The following CEP85L variants were observed in gnomAD, a reference collection of about 807,000 sequenced individuals.
CEP85L encodes centrosomal protein 85L.
CEP85L carries 60 observed loss-of-function variants against 100.3 expected under a neutral mutation model. The ratio of observed to expected loss-of-function variants is 0.60; its 90% CI spans 0.49 to 0.74. The LOEUF is 0.74. Ranked by LOEUF, CEP85L falls within the 30% of genes least tolerant of loss-of-function variation. CEP85L has a pLI of 0.00. For missense variants in CEP85L, 973 were observed against 936.2 expected, an observed-to-expected ratio of 1.04 and a Z score of -0.51; for synonymous variants, 319 against 322.7, an observed-to-expected ratio of 0.99 and a Z score of 0.12.
At chr6:118,569,528 T>C (rs915247896) in intron 2 of CEP85L, among the ~76,000 whole-genome samples, 5 of 151,254 alleles carry the variant, frequency 3.3e-5, no homozygotes, top group Non-Finnish European at 5.9e-5. Context: ...CCTTTTTAGA[T>C]TCAAATTCTG....
chr6:118,585,849 G>A (rs1163199712), intron 2 of CEP85L, among the ~76,000 whole-genome samples: 1 of 152,188 alleles, frequency 6.6e-6, no homozygotes, highest in Non-Finnish European at 1.5e-5. Context: ...CCCAAGGGAG[G>A]AGTGGCAGGT....
At position 118,558,895 on chromosome 6, in the gene CEP85L, C is replaced by T. The variant is rs753445677; in HGVS notation, c.1020+6634G>A. 10 of 1,606,606 alleles carry T rather than the reference C, an allele frequency of 6.2e-6. No individual in the cohort carries two copies. In the African/African-American group the frequency reaches 1.2e-4, roughly 19 times the overall value. ...TTATCTTTCTCTCGACCACTTAAAA[C>T]TTCAGACTTCCTGTCCTGCTGGTAT... On this transcript the variant is annotated intron_variant, in intron 3 of 12. Transcript: ENST00000368491.
At chr6:118,600,300 G>GT (rs1554228039) in intron 2 of CEP85L, among the ~76,000 whole-genome samples, 2,737 of 52,210 alleles carry the variant, frequency 0.052, 624 homozygotes, top group African/African-American at 0.071. Context: ...CCTTCCTGGG[G>GT]GTGTGTGTGT....
intron 3 of CEP85L, among the ~76,000 whole-genome samples, chr6:118,527,529 A>G (rs986577842): frequency 1.2e-4 from 18 of 152,070 alleles, no homozygotes; most frequent in African/African-American, 4.1e-4. Flanking sequence ...ACTATAAACA[A>G]TATTATTAAC....
intron 4 of CEP85L, among the ~76,000 whole-genome samples, chr6:118,512,303 T>C (rs1323186228): frequency 3.3e-5 from 5 of 152,042 alleles, no homozygotes; most frequent in African/African-American, 1.2e-4. Flanking sequence ...GGGCACTCGG[T>C]TGAATACTAA....
intron 3 of CEP85L, among the ~76,000 whole-genome samples, chr6:118,535,248 C>A (rs1310591231): frequency 6.6e-6 from 1 of 152,100 alleles, no homozygotes; most frequent in Non-Finnish European, 1.5e-5. Flanking sequence ...ATGGATGAAT[C>A]TCAACAGCAG....
chr6:118,518,260 G>A (rs1776403719), intron 4 of CEP85L, among the ~76,000 whole-genome samples: 1 of 152,162 alleles, frequency 6.6e-6, no homozygotes, highest in African/African-American at 2.4e-5. Flanking sequence ...GAGTTAGGGA[G>A]GATTCCCTCT....
Position 118,649,774 on chromosome 6 carries a change from A to G in CEP85L, c.73+1423T>C, listed in dbSNP as rs568045760. Among the ~76,000 whole-genome samples the G allele has an allele frequency of 9.1e-4, 139 of 152,320 alleles. 2 individuals carry two copies. Among genetic ancestry groups the G allele is most frequent in the African/African-American group, 3.3e-3 (137 of 41,566 alleles). On this transcript the variant is annotated intron_variant, in intron 1 of 12. Transcript: ENST00000368491. ...CCTACTTAATACTGCTTTTTACTAA[A>G]TTCATGCCTACATTAAATTTCAGGA...
At chr6:118,659,708 C>T (rs1012611186) in intron 1 of CEP85L, among the ~76,000 whole-genome samples, 2 of 152,208 alleles carry the variant, frequency 1.3e-5, no homozygotes, top group African/African-American at 4.8e-5. Flanking sequence ...CTGTTGCCTT[C>T]TTTGCTCACC....
At chr6:118,707,896 A>G (rs879676997) in intron 1 of CEP85L, among the ~76,000 whole-genome samples, 1 of 150,832 alleles carries the variant, frequency 6.6e-6, no homozygotes, top group Non-Finnish European at 1.5e-5. Flanking sequence ...CTTTATAGCT[A>G]CTAAACTGTC....
chr6:118,586,158 T>C (rs561738086), intron 2 of CEP85L, among the ~76,000 whole-genome samples: 53 of 152,176 alleles, frequency 3.5e-4, no homozygotes, highest in African/African-American at 1.2e-3. Context: ...ACTAATGATA[T>C]TACCAAGAGA....
intron 1 of CEP85L, among the ~76,000 whole-genome samples, chr6:118,663,366 A>G (rs1776034411): frequency 6.6e-6 from 1 of 152,256 alleles, no homozygotes; most frequent in Non-Finnish European, 1.5e-5. Flanking sequence ...ACGATGGAAT[A>G]TGATAAACAA....
At chr6:118,698,728 T>G (rs1218017639) in intron 1 of CEP85L, among the ~76,000 whole-genome samples, 2 of 151,798 alleles carry the variant, frequency 1.3e-5, no homozygotes, top group African/African-American at 4.9e-5. Context: ...TGGCCAGCAG[T>G]TGAAGAATTA....
intron 5 of CEP85L, chr6:118,501,784 A>G: frequency 9.8e-7 from 1 of 1,022,480 alleles, no homozygotes; most frequent in Non-Finnish European, 1.5e-6. Flanking sequence ...CATCTCACAG[A>G]GTGGGGAGGA....
At chr6:118,689,608 C>T (rs1776963523) in intron 1 of CEP85L, among the ~76,000 whole-genome samples, 1 of 152,134 alleles carries the variant, frequency 6.6e-6, no homozygotes, top group South Asian at 2.1e-4. Flanking sequence ...TTGATCAGTG[C>T]TTGTGAATAT....
chr6:118,500,859 T>C (rs899200365), intron 5 of CEP85L, among the ~76,000 whole-genome samples: 15 of 152,236 alleles, frequency 9.9e-5, no homozygotes, highest in Non-Finnish European at 2.1e-4. Flanking sequence ...CTACTTCTTC[T>C]TGTTTGGATA....
At chr6:118,692,764 C>CATTGTCA (rs1777087284) in intron 1 of CEP85L, among the ~76,000 whole-genome samples, 4 of 62,632 alleles carry the variant, frequency 6.4e-5, no homozygotes, top group South Asian at 4.9e-4. Flanking sequence ...AGAAACAAGA[C>CATTGTCA]ATAGATACAT....
chr6:118,468,882 G>A (rs1772725880), intron 12 of CEP85L, among the ~76,000 whole-genome samples, 190 bp downstream of exon 12: 1 of 152,166 alleles, frequency 6.6e-6, no homozygotes, highest in African/African-American at 2.4e-5. Context: ...CCAAGTGGCA[G>A]TTAATGTCAG....
chr6:118,632,305 T>A, intron 2 of CEP85L, 148 bp downstream of exon 2: 1 of 656,452 alleles, frequency 1.5e-6, no homozygotes, highest in East Asian at 3.1e-5. Context: ...AGGGACAATT[T>A]TATTTGATAT....
Sources: allele counts gnomAD v4.1 joint callset (sites outside exome capture counted in the v4.1 genomes callset), GRCh38; gene constraint gnomAD v4.1.1; transcripts MANE v1.5; gene names NCBI Gene and HGNC (gene_info 2026-07-23, HGNC 2026-07-21).